Variants in TEX9 observed in about 807,000 individuals in gnomAD.
TEX9 encodes the protein testis-expressed protein 9.
Under a neutral mutation model 59.6 loss-of-function variants are expected in TEX9, and 74 were observed. That is an observed-to-expected ratio of 1.24 (90% confidence interval 1.03 to 1.51). The LOEUF (loss-of-function observed/expected upper bound fraction) is 1.51, where lower values mean the gene tolerates loss of function less well. Among genes scored for constraint, TEX9 ranks in the 40% most tolerant of loss-of-function variants. TEX9 has a pLI of 0.00. For synonymous variants in TEX9, 186 were observed against 152.2 expected, an observed-to-expected ratio of 1.22 and a Z score of -1.64; for missense variants, 522 against 447.8, an observed-to-expected ratio of 1.17 and a Z score of -1.49.
intron 3 of TEX9, among the ~76,000 whole-genome samples, chr15:56,382,746 A>C (rs2047787333): frequency 6.6e-6 from 1 of 152,146 alleles, no homozygotes. Flanking sequence ...TCCGAGATGC[A>C]AGATAACATC....
At chr15:56,253,326 C>T (rs1321960000) in intron 1 of TEX9, among the ~76,000 whole-genome samples, 2 of 152,122 alleles carry the variant, frequency 1.3e-5, no homozygotes, top group African/African-American at 4.8e-5. Context: ...AGGAGAGGTT[C>T]AACACATGCT....
intron 9 of TEX9, among the ~76,000 whole-genome samples, chr15:56,410,444 T>C (rs772208083): frequency 6.6e-6 from 1 of 152,104 alleles, no homozygotes; most frequent in Non-Finnish European, 1.5e-5. Context: ...AATTTTAATG[T>C]TAAATTTGAT....
intron 1 of TEX9, among the ~76,000 whole-genome samples, chr15:56,317,475 A>G (rs1486228601): frequency 6.6e-6 from 1 of 152,190 alleles, no homozygotes; most frequent in Non-Finnish European, 1.5e-5. Context: ...GAATCATATC[A>G]AAGAACCAAC....
At chr15:56,278,749 G>C (rs1367971933) in intron 1 of TEX9, among the ~76,000 whole-genome samples, 7 of 151,860 alleles carry the variant, frequency 4.6e-5, no homozygotes, top group Non-Finnish European at 8.8e-5. Context: ...CATAGGTTTT[G>C]GGTTCCTCAA....
At chr15:56,347,484 TA>T (rs1419066927) in intron 1 of TEX9, among the ~76,000 whole-genome samples, 4 of 151,722 alleles carry the variant, frequency 2.6e-5, no homozygotes, top group Non-Finnish European at 5.9e-5. Flanking sequence ...GGGATAAATA[TA>T]GCCTTTTCAA....
the TEX9 span, among the ~76,000 whole-genome samples, chr15:56,459,793 C>T: frequency 4.6e-5 from 7 of 150,684 alleles, no homozygotes; most frequent in Non-Finnish European, 5.9e-5. Flanking sequence ...GAGTTGGAGA[C>T]GAGCCTGACC....
chr15:56,402,983 C>T (rs1567126933), intron 9 of TEX9, among the ~76,000 whole-genome samples: 1 of 152,172 alleles, frequency 6.6e-6, no homozygotes, highest in South Asian at 2.1e-4. Flanking sequence ...TGGAACATAT[C>T]TCAAAATAAT....
At chr15:56,322,420 A>C (rs1054595688) in intron 1 of TEX9, among the ~76,000 whole-genome samples, 1 of 152,212 alleles carries the variant, frequency 6.6e-6, no homozygotes, top group Non-Finnish European at 1.5e-5. Context: ...CATCGTGGTC[A>C]TGCAGAAATG....
downstream of TEX9, chr15:56,447,443 ATTAT>A (rs2050914858): frequency 6.6e-6 from 1 of 151,964 alleles, no homozygotes; most frequent in African/African-American, 2.4e-5. Context: ...TATCCTTCTA[ATTAT>A]TTGGTTTTTT....
chr15:56,388,262 G>C (rs189897261), intron 4 of TEX9, among the ~76,000 whole-genome samples: 21 of 152,090 alleles, frequency 1.4e-4, no homozygotes, highest in Admixed American at 1.1e-3. Context: ...TGGCATTATA[G>C]TGTATCTTCT....
At chr15:56,382,694 T>A (rs2114183) in intron 3 of TEX9, among the ~76,000 whole-genome samples, 52,884 of 152,096 alleles carry the variant, frequency 0.35, 10,556 homozygotes, top group Non-Finnish European at 0.45. Context: ...TGCGTGACTC[T>A]GCCTGGCACC....
upstream of TEX9, among the ~76,000 whole-genome samples, chr15:56,362,463 C>T (rs1293893927): frequency 1.2e-4 from 19 of 152,180 alleles, no homozygotes; most frequent in Non-Finnish European, 2.4e-4. Context: ...TATAGCGACT[C>T]CAGCTTCCTT....
Position 56,297,544 on chromosome 15 carries a change from G to A in TEX9, c.-107+53266G>A, listed in dbSNP as rs149230635. On this transcript the variant is annotated intron_variant, in intron 1 of 5. Coordinates refer to the TEX9 transcript ENST00000560827. Reference sequence around the variant, plus strand: ...TCTTTTGTTTTTTTCTCACTCTGTTGCCCAGGCTGGAGTGCAGTGGTGCGA... The same window carrying A: ...TCTTTTGTTTTTTTCTCACTCTGTTACCCAGGCTGGAGTGCAGTGGTGCGA... Among the ~76,000 whole-genome samples, 1,192 of 152,212 alleles carry A rather than the reference G, an allele frequency of 7.8e-3. 14 individuals carry two copies. The highest frequency in any genetic ancestry group is 0.027 in the African/African-American group (1,124 of 41,506).
chr15:56,365,381 C>T (rs2046886641), upstream of TEX9: 4 of 1,563,468 alleles, frequency 2.6e-6, no homozygotes, highest in South Asian at 4.9e-5. Context: ...GGGCGGGAGG[C>T]AACCGGGATG....
At chr15:56,394,295 T>G in intron 8 of TEX9, 48 bp downstream of exon 8, 1 of 1,438,074 alleles carries the variant, frequency 7.0e-7, no homozygotes, top group Non-Finnish European at 9.5e-7. Context: ...AAAGATATTT[T>G]AGGAGCAATT....
intron 10 of TEX9, among the ~76,000 whole-genome samples, chr15:56,418,982 C>G (rs1006139680): frequency 6.6e-6 from 1 of 151,824 alleles, no homozygotes; most frequent in Non-Finnish European, 1.5e-5. Context: ...ATCTATAGAT[C>G]AGTTTTGGGA....
chr15:56,268,186 CTT>C (rs1214825355), intron 1 of TEX9, among the ~76,000 whole-genome samples: 12 of 152,196 alleles, frequency 7.9e-5, no homozygotes, highest in Non-Finnish European at 1.8e-4. Context: ...TATCCTGAGA[CTT>C]TGCTGAAATT....
chr15:56,339,407 A>AAAAC (rs2046330044), intron 1 of TEX9, among the ~76,000 whole-genome samples: 2 of 149,726 alleles, frequency 1.3e-5, no homozygotes, highest in South Asian at 2.1e-4. Flanking sequence ...AAAAAAAAAA[A>AAAAC]AAAAAAACAG....
chr15:56,377,118 C>G (rs2047494681), intron 3 of TEX9, among the ~76,000 whole-genome samples: 1 of 152,092 alleles, frequency 6.6e-6, no homozygotes, highest in Non-Finnish European at 1.5e-5. Flanking sequence ...GTCTGTGTGT[C>G]TGTTTTTATG....
Sources: allele counts gnomAD v4.1 joint callset (sites outside exome capture counted in the v4.1 genomes callset), GRCh38; gene constraint gnomAD v4.1.1; transcripts MANE v1.5; gene names NCBI Gene and HGNC (gene_info 2026-07-23, HGNC 2026-07-21).